The following LOC128462377 variants were observed in gnomAD, a reference collection of about 807,000 sequenced individuals.
the LOC128462377 span, among the ~76,000 whole-genome samples, chr16:89,406,109 C>CAAAAA: frequency 2.0e-5 from 1 of 49,654 alleles, no homozygotes; most frequent in African/African-American, 6.4e-5. Flanking sequence ...GATTCCATCT[C>CAAAAA]AAAAAAAAAA....
the LOC128462377 span, among the ~76,000 whole-genome samples, chr16:89,349,861 A>AAC: frequency 0.027 from 3,580 of 133,114 alleles, 57 homozygotes; most frequent in East Asian, 0.06. Flanking sequence ...TACTTGTTAA[A>AAC]ACACACACAC....
the LOC128462377 span, among the ~76,000 whole-genome samples, chr16:89,413,407 C>G: frequency 3.9e-5 from 6 of 152,088 alleles, no homozygotes; most frequent in African/African-American, 1.4e-4. Context: ...GGGCAGATCA[C>G]GAGGTCAGGA....
chr16:89,384,392 G>A, the LOC128462377 span, among the ~76,000 whole-genome samples: 3 of 152,224 alleles, frequency 2.0e-5, no homozygotes, highest in African/African-American at 4.8e-5. Context: ...TTAGCTAGGC[G>A]TAGTGGTGCA....
At chr16:89,339,582 A>G in the LOC128462377 span, among the ~76,000 whole-genome samples, 2 of 152,198 alleles carry the variant, frequency 1.3e-5, no homozygotes, top group Non-Finnish European at 2.9e-5. Context: ...TATATTTTAT[A>G]ATTTCTACAC....
At chr16:89,409,829 A>AATTTATTTATTTATTTATTTATTT in the LOC128462377 span, among the ~76,000 whole-genome samples, 3,511 of 151,472 alleles carry the variant, frequency 0.023, 139 homozygotes, top group African/African-American at 0.081. Flanking sequence ...TTTCAATCTA[A>AATTTATTTATTTATTTATTTATTT]ATTTATTTAT....
the LOC128462377 span, among the ~76,000 whole-genome samples, chr16:89,415,627 AGAC>A: frequency 6.6e-6 from 1 of 151,390 alleles, no homozygotes. Context: ...CAGGCATTCA[AGAC>A]CAGCCTGGCC....
chr16:89,378,772 G>C, the LOC128462377 span, among the ~76,000 whole-genome samples: 3 of 152,226 alleles, frequency 2.0e-5, no homozygotes, highest in African/African-American at 4.8e-5. Context: ...TTTTAGTAGA[G>C]ACGGGGTTTC....
At chr16:89,405,032 AC>A in the LOC128462377 span, among the ~76,000 whole-genome samples, 1 of 151,906 alleles carries the variant, frequency 6.6e-6, no homozygotes, top group Admixed American at 6.6e-5. Flanking sequence ...CTCCCATCCC[AC>A]CAGAGCCATG....
the LOC128462377 span, chr16:89,323,715 C>A: frequency 3.5e-6 from 1 of 282,318 alleles, no homozygotes. Flanking sequence ...CACCCCTGCA[C>A]GTTCTGAAGA....
chr16:89,346,141 C>T, the LOC128462377 span, among the ~76,000 whole-genome samples: 7 of 149,660 alleles, frequency 4.7e-5, no homozygotes, highest in East Asian at 5.9e-4. Flanking sequence ...CCCAGCTACT[C>T]GGGAGGCTGA....
chr16:89,388,292 G>GTTTTTT, the LOC128462377 span, among the ~76,000 whole-genome samples: 1 of 61,050 alleles, frequency 1.6e-5, no homozygotes, highest in African/African-American at 5.0e-5. Context: ...CCATGAGGCT[G>GTTTTTT]ATTTTTTTTT....
chr16:89,332,298 C>A, the LOC128462377 span, among the ~76,000 whole-genome samples: 3 of 152,308 alleles, frequency 2.0e-5, no homozygotes, highest in South Asian at 6.2e-4. Context: ...TGAGAAACAC[C>A]TGGTGAACGC....
At chr16:89,353,522 G>A in the LOC128462377 span, among the ~76,000 whole-genome samples, 1 of 151,956 alleles carries the variant, frequency 6.6e-6, no homozygotes, top group Non-Finnish European at 1.5e-5. Flanking sequence ...GTGTCACCCA[G>A]GCTGGAGTAC....
chr16:89,325,604 G>A, the LOC128462377 span, among the ~76,000 whole-genome samples: 13 of 152,368 alleles, frequency 8.5e-5, no homozygotes, highest in East Asian at 1.2e-3. Context: ...TCCGCGAAGC[G>A]TGGAAAATGG....
At chr16:89,405,139 A>G in the LOC128462377 span, among the ~76,000 whole-genome samples, 1 of 152,092 alleles carries the variant, frequency 6.6e-6, no homozygotes, top group African/African-American at 2.4e-5. Flanking sequence ...GGTTGCGGTG[A>G]GTGGAGATCA....
At chr16:89,368,509 C>T in the LOC128462377 span, among the ~76,000 whole-genome samples, 3 of 150,868 alleles carry the variant, frequency 2.0e-5, no homozygotes, top group Non-Finnish European at 2.9e-5. Flanking sequence ...CATGAGCCAC[C>T]GCGCCCAGCC....
the LOC128462377 span, among the ~76,000 whole-genome samples, chr16:89,382,651 T>TC: frequency 9.2e-4 from 135 of 147,076 alleles, no homozygotes; most frequent in Non-Finnish European, 1.6e-3. Context: ...AATAAACAAT[T>TC]CCCCCCCTCC....
chr16:89,335,055 T>C, the LOC128462377 span, among the ~76,000 whole-genome samples: 1 of 152,148 alleles, frequency 6.6e-6, no homozygotes, highest in African/African-American at 2.4e-5. Flanking sequence ...CCACGGATGT[T>C]ATACCGCAAA....
At chr16:89,361,212 A>G in the LOC128462377 span, among the ~76,000 whole-genome samples, 1 of 152,112 alleles carries the variant, frequency 6.6e-6, no homozygotes, top group Non-Finnish European at 1.5e-5. Flanking sequence ...CCCTTAGGAA[A>G]CCCCAGCAGC....
Sources: allele counts gnomAD v4.1 joint callset (sites outside exome capture counted in the v4.1 genomes callset), GRCh38; gene constraint gnomAD v4.1.1; transcripts MANE v1.5.